Variants in NUBPL observed in about 807,000 individuals in gnomAD.
NUBPL encodes the protein NUBP iron-sulfur cluster assembly factor, mitochondrial.
A neutral mutation model predicts 45.7 loss-of-function variants in NUBPL; 31 were observed. The observed-to-expected ratio is 0.68, with a 90% confidence interval of 0.51 to 0.92. The LOEUF (loss-of-function observed/expected upper bound fraction) is 0.92. Among genes scored for constraint, NUBPL ranks in the 40% least tolerant of loss-of-function variants. The probability of loss-of-function intolerance (pLI) is 0.00; values close to 1 mark genes in which losing one functional copy is unlikely to be tolerated. For synonymous variants in NUBPL, 144 were observed against 140.9 expected (o/e 1.02, Z -0.15); for missense variants, 401 against 398.7 (o/e 1.01, Z -0.05).
intron 6 of NUBPL, among the ~76,000 whole-genome samples, chr14:31,760,144 T>TGTGTGTGTGTGTGTGAGAGAGAGAGAGA: frequency 3.2e-4 from 11 of 34,830 alleles, no homozygotes; most frequent in African/African-American, 6.5e-4. Flanking sequence ...TGTGTGTGTG[T>TGTGTGTGTGTGTGTGAGAGAGAGAGAGA]GAGAGAGAGA....
chr14:31,654,200 C>CATGCTATTT (rs1246135614), intron 4 of NUBPL: 2 of 374,650 alleles, frequency 5.3e-6, no homozygotes, highest in Non-Finnish European at 1.1e-5. Flanking sequence ...ATACTGTAGT[C>CATGCTATTT]CATGAAGTGT....
chr14:31,768,113 A>G (rs960691001), intron 6 of NUBPL, among the ~76,000 whole-genome samples: 1 of 152,196 alleles, frequency 6.6e-6, no homozygotes, highest in Non-Finnish European at 1.5e-5. Flanking sequence ...TGTTGGCTAG[A>G]CAACAAAGAT....
chr14:31,727,861 A>G (rs2037960105), intron 6 of NUBPL, among the ~76,000 whole-genome samples: 1 of 152,214 alleles, frequency 6.6e-6, no homozygotes, highest in Non-Finnish European at 1.5e-5. Context: ...ATATTTTACT[A>G]AACTATTCAT....
intron 4 of NUBPL, among the ~76,000 whole-genome samples, chr14:31,638,480 CT>C (rs986592578): frequency 2.0e-5 from 3 of 151,862 alleles, no homozygotes; most frequent in African/African-American, 7.3e-5. Context: ...ATGGGCTTCC[CT>C]TTGTGGGTAA....
At chr14:31,598,258 G>T (rs1272389333) in intron 3 of NUBPL, among the ~76,000 whole-genome samples, 2 of 152,238 alleles carry the variant, frequency 1.3e-5, no homozygotes, top group South Asian at 2.1e-4. Flanking sequence ...ATAGGAACCA[G>T]ATAACAAAAT....
intron 6 of NUBPL, among the ~76,000 whole-genome samples, chr14:31,678,504 C>T (rs76596361): frequency 0.036 from 5,500 of 152,256 alleles, 130 homozygotes; most frequent in African/African-American, 0.076. Context: ...CTTTATTCAG[C>T]AGGTGTTGGT....
Position 31,561,508 on chromosome 14 carries a change from C to A in NUBPL, c.69C>A (p.Ala23=). The A allele has an allele frequency of 7.2e-7, 1 of 1,390,598 alleles. No individual in the cohort carries two copies. The highest frequency in any genetic ancestry group is 9.4e-7 in the Non-Finnish European group (1 of 1,065,150). The allele number at this position is 1,390,598 out of a possible 1,614,324, so 86.1% of individuals were successfully genotyped here. A position where few individuals can be genotyped will look rare whatever the true frequency, so the allele number is the denominator to read the frequency against. ...VSLRAGGGAT[A]PLGGSRAMVC... ...TCCGGGCTGGTGGCGGGGCCACTGC[C>A]CCGCTTGGGGGAAGCCGAGCGATGG... The change falls in exon 1 of 11, where the codon GCC becomes GCA. Residue 23 remains alanine (A), a synonymous_variant. Coordinates refer to ENST00000281081, the MANE Select transcript of NUBPL (RefSeq NM_025152.3).
chr14:31,847,195 A>C (rs147557757), intron 9 of NUBPL, among the ~76,000 whole-genome samples: 25 of 152,322 alleles, frequency 1.6e-4, no homozygotes, highest in African/African-American at 5.8e-4. Context: ...AATGATACTC[A>C]TCAGTGTGTT....
chr14:31,581,602 A>G (rs1252574450), intron 3 of NUBPL, among the ~76,000 whole-genome samples: 2 of 152,212 alleles, frequency 1.3e-5, no homozygotes, highest in Admixed American at 6.5e-5. Context: ...TTTAGCAACT[A>G]TGTGAATAGT....
chr14:31,752,093 G>A (rs569809863), intron 6 of NUBPL, among the ~76,000 whole-genome samples: 68 of 152,256 alleles, frequency 4.5e-4, no homozygotes, highest in African/African-American at 1.6e-3. Context: ...TGCTGGGAGG[G>A]GCTGTCATGA....
chr14:31,762,469 G>A (rs1194105176), intron 6 of NUBPL, among the ~76,000 whole-genome samples: 1 of 152,106 alleles, frequency 6.6e-6, no homozygotes, highest in Non-Finnish European at 1.5e-5. Flanking sequence ...CATGCCTAAA[G>A]CATATTCTAG....
intron 6 of NUBPL, among the ~76,000 whole-genome samples, chr14:31,688,721 C>T (rs2037024504): frequency 7.7e-6 from 1 of 129,142 alleles, no homozygotes; most frequent in African/African-American, 3.3e-5. Flanking sequence ...TATAGGTAAA[C>T]TCATTTCAGG....
chr14:31,617,557 T>G (rs578234246), intron 4 of NUBPL, among the ~76,000 whole-genome samples: 1 of 152,364 alleles, frequency 6.6e-6, no homozygotes, highest in African/African-American at 2.4e-5. Context: ...TCATTGGTTC[T>G]GTTTATGTGT....
In NUBPL at chr14:31,601,278, C is replaced by G. The variant is rs577510525; in HGVS notation, c.382+1899C>G. On this transcript the variant is annotated intron_variant, in intron 4 of 10. Transcript: ENST00000281081. ...ATATGAACTTTAAAGTAGTTTTTTC[C>G]AATTCTGTGAAGAAAGTCATTGGTA... is the stretch of plus-strand genomic sequence containing the variant. Among the ~76,000 whole-genome samples the G allele has an allele frequency of 7.2e-5, 11 of 152,140 alleles. No individual in the cohort carries two copies. The South Asian group carries it at 1.5e-3, about 20-fold the overall frequency.
chr14:31,749,639 T>TC (rs2038478167), intron 6 of NUBPL, among the ~76,000 whole-genome samples: 1 of 152,202 alleles, frequency 6.6e-6, no homozygotes, highest in Non-Finnish European at 1.5e-5. Flanking sequence ...CTCTTTTTTT[T>TC]CTTTCGTTTT....
intron 3 of NUBPL, among the ~76,000 whole-genome samples, chr14:31,594,022 A>T (rs945176209): frequency 3.9e-5 from 6 of 152,166 alleles, no homozygotes; most frequent in Admixed American, 2.0e-4. Flanking sequence ...AGGCCCAGGA[A>T]TGGCATTATC....
In NUBPL at chr14:31,660,760, A is replaced by G. The variant is rs2036249409; in HGVS notation, c.383-12595A>G. Among the ~76,000 whole-genome samples the G allele has an allele frequency of 3.3e-5, 5 of 152,274 alleles. No individual in the cohort carries two copies. The South Asian group carries it at 6.2e-4, about 19-fold the overall frequency. On this transcript the variant is annotated intron_variant, in intron 4 of 10. Coordinates refer to ENST00000281081, the MANE Select transcript of NUBPL (RefSeq NM_025152.3). Reference sequence around the variant, plus strand: ...AACCATGGTGTTCAGCTACATTTCAAACTCTTTATTTTTGGAGCCAGGGAA... The same window carrying G: ...AACCATGGTGTTCAGCTACATTTCAGACTCTTTATTTTTGGAGCCAGGGAA...
intron 4 of NUBPL, among the ~76,000 whole-genome samples, chr14:31,661,419 T>A (rs546391284): frequency 7.9e-5 from 12 of 152,366 alleles, no homozygotes; most frequent in Admixed American, 7.2e-4. Flanking sequence ...TACACATTTT[T>A]AAAAAATAAA....
At position 31,645,915 on chromosome 14, in the gene NUBPL, A is replaced by G. The variant is rs191220614; in HGVS notation, c.383-27440A>G. On this transcript the variant is annotated intron_variant, in intron 4 of 10. Coordinates refer to ENST00000281081, the MANE Select transcript of NUBPL (RefSeq NM_025152.3). ...TGCTAAAGTTATGAGTGGACTACAT[A>G]CCATAATTATAGCATTAGATAGAGT... Among the ~76,000 whole-genome samples, 433 of 151,956 alleles carry G rather than the reference A, an allele frequency of 2.8e-3. 2 individuals are homozygous for G. The highest frequency in any genetic ancestry group is 9.8e-3 in the African/African-American group (406 of 41,430).
Sources: gnomAD v4.1 joint callset for allele counts (sites outside exome capture counted in the v4.1 genomes callset) on GRCh38, gnomAD v4.1.1 for gene constraint, MANE v1.5 for transcripts, NCBI Gene and HGNC (gene_info 2026-07-23, HGNC 2026-07-21) for gene names.